The following PHF14 variants were observed in gnomAD, a reference collection of about 807,000 sequenced individuals.
PHF14 encodes PHD finger protein 14.
In PHF14, 55 loss-of-function variants were observed where a neutral mutation model predicts 117.9. That is an observed-to-expected ratio of 0.47 (90% CI 0.38 to 0.58). PHF14 has a LOEUF of 0.58. PHF14 is among the 20% of genes least tolerant of loss of function. The pLI, the probability that PHF14 is intolerant of heterozygous loss-of-function variation, is 0.00. For synonymous variants in PHF14, 409 were observed against 368.6 expected, an observed-to-expected ratio of 1.11 and a Z score of -1.26; for missense variants, 978 against 1,122.2, an observed-to-expected ratio of 0.87 and a Z score of 1.84.
At chr7:11,127,553 G>A (rs1010168388) in intron 17 of PHF14, among the ~76,000 whole-genome samples, 4 of 151,990 alleles carry the variant, frequency 2.6e-5, no homozygotes, top group African/African-American at 7.2e-5. Context: ...AGACAGACAG[G>A]CATGTATCAT....
intron 16 of PHF14, chr7:11,106,942 A>G: frequency 5.1e-6 from 5 of 984,298 alleles, no homozygotes; most frequent in Non-Finnish European, 6.0e-6. Flanking sequence ...TAATGTGATT[A>G]TCACAATCAA....
chr7:11,032,091 C>G (rs961547910), intron 7 of PHF14, among the ~76,000 whole-genome samples: 15 of 151,968 alleles, frequency 9.9e-5, no homozygotes, highest in Non-Finnish European at 1.3e-4. Flanking sequence ...ATAGCAAGAC[C>G]CAATCTCTAC....
In PHF14 at chr7:11,158,968, G is replaced by T. The variant is rs182078616; in HGVS notation, c.2773-10448G>T. Among the ~76,000 whole-genome samples, 168 of 152,104 alleles carry T rather than the reference G, an allele frequency of 1.1e-3. 1 individual carries two copies. The highest frequency in any genetic ancestry group is 3.9e-3 in the African/African-American group (161 of 41,506). Reference sequence around the variant, plus strand: ...TATTTAGATACTGAGTTGTTTCTTAGTCTCAAAATTGTCAGTTTAAACTAT... The same window carrying T: ...TATTTAGATACTGAGTTGTTTCTTATTCTCAAAATTGTCAGTTTAAACTAT... On this transcript the variant is annotated intron_variant, in intron 17 of 17. Transcript: ENST00000634607.
At chr7:11,051,098 T>A (rs1784838339) in intron 13 of PHF14, among the ~76,000 whole-genome samples, 1 of 152,158 alleles carries the variant, frequency 6.6e-6, no homozygotes, top group South Asian at 2.1e-4. Flanking sequence ...TGGAGTGCAG[T>A]GTTGAGATCA....
intron 16 of PHF14, among the ~76,000 whole-genome samples, chr7:11,076,807 A>G (rs891181374): frequency 2.0e-5 from 3 of 151,030 alleles, no homozygotes; most frequent in African/African-American, 7.3e-5. Context: ...TTCTCAAGCA[A>G]TCCGCCTGCC....
intron 4 of PHF14, among the ~76,000 whole-genome samples, chr7:10,991,636 A>T (rs1319821898): frequency 5.9e-5 from 9 of 151,916 alleles, no homozygotes; most frequent in African/African-American, 9.7e-5. Flanking sequence ...TAAAAAAAAA[A>T]TTTTAAATAA....
chr7:11,013,940 G>A (rs1352761396), intron 5 of PHF14, 34 bp downstream of exon 5: 2 of 1,464,710 alleles, frequency 1.4e-6, no homozygotes, highest in Admixed American at 1.8e-5. Flanking sequence ...TCATATGTTT[G>A]CTTTATAATG....
intron 13 of PHF14, among the ~76,000 whole-genome samples, 159 bp from the exon 14 acceptor site, chr7:11,051,453 A>G (rs1170966882): frequency 6.6e-6 from 1 of 152,128 alleles, no homozygotes; most frequent in Non-Finnish European, 1.5e-5. Flanking sequence ...TTAGAGGAGT[A>G]TTTCTGAATG....
intron 5 of PHF14, among the ~76,000 whole-genome samples, chr7:11,018,014 A>G (rs1033542642): frequency 1.3e-5 from 2 of 152,172 alleles, no homozygotes; most frequent in African/African-American, 4.8e-5. Flanking sequence ...TTTGTTGAAG[A>G]AACTGTCTTT....
chr7:11,162,173 C>T (rs1297551416), intron 17 of PHF14, among the ~76,000 whole-genome samples: 3 of 145,944 alleles, frequency 2.1e-5, no homozygotes, highest in Admixed American at 7.0e-5. Flanking sequence ...ACTGCAACCT[C>T]CACCTCCCAG....
chr7:11,154,424 T>G (rs1473951071), intron 17 of PHF14, among the ~76,000 whole-genome samples: 1 of 152,200 alleles, frequency 6.6e-6, no homozygotes, highest in Admixed American at 6.5e-5. Context: ...ATGCTTTGTA[T>G]TTGTAAGAAT....
intron 14 of PHF14, among the ~76,000 whole-genome samples, chr7:11,054,359 A>C (rs1391420976): frequency 1.3e-5 from 2 of 152,120 alleles, no homozygotes; most frequent in African/African-American, 4.8e-5. Flanking sequence ...AATAACTACT[A>C]ATGGTGATTA....
chr7:11,122,442 C>CGT (rs762234045), intron 17 of PHF14, among the ~76,000 whole-genome samples: 2 of 102,806 alleles, frequency 1.9e-5, no homozygotes, highest in Non-Finnish European at 4.0e-5. Context: ...TATATATATA[C>CGT]GTATATATAT....
At chr7:10,996,875 G>C (rs975852961) in intron 4 of PHF14, among the ~76,000 whole-genome samples, 2 of 152,198 alleles carry the variant, frequency 1.3e-5, no homozygotes, top group African/African-American at 2.4e-5. Context: ...ACATACAGGA[G>C]CAAGTATGCC....
chr7:11,156,792 GAAAAAAAACAGA>G (rs1015520652), intron 17 of PHF14, among the ~76,000 whole-genome samples: 14 of 151,226 alleles, frequency 9.3e-5, no homozygotes, highest in Non-Finnish European at 1.8e-4. Context: ...GACTGTCTCA[GAAAAAAAACAGA>G]AAAAAGAAAA....
Position 11,041,469 on chromosome 7 carries a change from T to C in PHF14, c.2180+694T>C, listed in dbSNP as rs182870261. Among the ~76,000 whole-genome samples the C allele has an allele frequency of 7.8e-4, 118 of 151,622 alleles. 1 individual carries two copies. Among genetic ancestry groups the C allele is most frequent in the African/African-American group, 2.7e-3 (112 of 41,422 alleles). On this transcript the variant is annotated intron_variant, in intron 12 of 17. Coordinates refer to ENST00000634607, the MANE Select transcript of PHF14 (RefSeq NM_001007157.2). Reference sequence around the variant, plus strand: ...ATGTATGTGTGTGTATATTTATCTATGTATATGCATACATATATGTTATGC... The same window carrying C: ...ATGTATGTGTGTGTATATTTATCTACGTATATGCATACATATATGTTATGC...
intron 17 of PHF14, among the ~76,000 whole-genome samples, chr7:11,123,547 C>T (rs1384326021): frequency 2.0e-5 from 3 of 151,968 alleles, no homozygotes; most frequent in East Asian, 1.9e-4. Flanking sequence ...TTTGGGAGGC[C>T]GAGACAGGCA....
At chr7:11,027,553 AAAAT>A (rs1345755695) in intron 6 of PHF14, among the ~76,000 whole-genome samples, 7 of 152,130 alleles carry the variant, frequency 4.6e-5, no homozygotes, top group Admixed American at 1.3e-4. Flanking sequence ...AAGGAATAAA[AAAAT>A]AAATAAATCT....
chr7:11,000,996 A>G (rs1475392906), intron 4 of PHF14, among the ~76,000 whole-genome samples: 2 of 152,016 alleles, frequency 1.3e-5, no homozygotes, highest in East Asian at 3.9e-4. Flanking sequence ...TTTTTTAATT[A>G]TAAATTTTCT....
Sources: gnomAD v4.1 joint callset for allele counts (sites outside exome capture counted in the v4.1 genomes callset) on GRCh38, gnomAD v4.1.1 for gene constraint, MANE v1.5 for transcripts, NCBI Gene and HGNC (gene_info 2026-07-23, HGNC 2026-07-21) for gene names.